COL14A1: variants seen among roughly 807,000 people sequenced by gnomAD.
COL14A1 encodes collagen alpha-1(XIV) chain.
Under a neutral mutation model 230.3 loss-of-function variants are expected in COL14A1, and 136 were observed. The ratio of observed to expected loss-of-function variants is 0.59; its 90% CI spans 0.51 to 0.68. The LOEUF (loss-of-function observed/expected upper bound fraction) is 0.68, where lower values mean the gene tolerates loss of function less well. Among genes scored for constraint, COL14A1 ranks in the 30% least tolerant of loss-of-function variants. The pLI, the probability that COL14A1 is intolerant of heterozygous loss-of-function variation, is 0.00. For missense variants in COL14A1, 1,976 were observed against 2,215.8 expected, an observed-to-expected ratio of 0.89 and a Z score of 2.17; for synonymous variants, 792 against 784.1, an observed-to-expected ratio of 1.01 and a Z score of -0.17.
chr8:120,263,694 T>G (rs1819413800), intron 24 of COL14A1, among the ~76,000 whole-genome samples: 1 of 152,056 alleles, frequency 6.6e-6, no homozygotes, highest in Non-Finnish European at 1.5e-5. Flanking sequence ...AATTTAAACT[T>G]GAAATTCCGG....
At position 120,216,425 on chromosome 8, in the gene COL14A1, A is replaced by C. The variant is rs2130777803; in HGVS notation, c.1672A>C (p.Thr558Pro). 1 of 1,613,870 alleles carries C rather than the reference A, an allele frequency of 6.2e-7. No homozygotes were observed. Among genetic ancestry groups the C allele is most frequent in the East Asian group, 2.2e-5 (1 of 44,864 alleles). The change falls in exon 14 of 48, where the codon ACT becomes CCT. Residue 558 changes from threonine (T) to proline (P), a missense_variant. Thr to Pro is a conservative substitution (Grantham distance 38, BLOSUM62 -1). Transcript: ENST00000297848. ...CAGTGCTCGATTAACCTGGGACCCA[A>C]CTTCAAGACAGATCAATGGTTATCG... ...SNSARLTWDP[T>P]SRQINGYRIV...
intron 5 of COL14A1, among the ~76,000 whole-genome samples, chr8:120,175,182 CAT>C (rs1461837923): frequency 6.6e-6 from 1 of 152,178 alleles, no homozygotes; most frequent in Non-Finnish European, 1.5e-5. Context: ...ATCTACTGTA[CAT>C]GTTTCTTTAA....
At chr8:120,231,663 AC>A (rs1563685990) in intron 19 of COL14A1, 45 bp downstream of exon 19, 1 of 1,587,450 alleles carries the variant, frequency 6.3e-7, no homozygotes, top group South Asian at 1.1e-5. Flanking sequence ...GATGTTACTA[AC>A]ACAGCTAATA....
chr8:120,158,227 T>C lies in COL14A1; in HGVS notation c.186T>C (p.Leu62=). The C allele has an allele frequency of 6.3e-7, 1 of 1,593,692 alleles. No individual in the cohort carries two copies. The highest frequency in any genetic ancestry group is 8.6e-7 in the Non-Finnish European group (1 of 1,162,244). Residue 62 remains leucine (L), a synonymous_variant, in exon 3 of 48, where the codon CTT becomes CTC. Coordinates refer to ENST00000297848, the MANE Select transcript of COL14A1 (RefSeq NM_021110.4). ...GAGGGAAATTTGGTGGTTACAAACT[T>C]CTTGTGACTCCAACTTCAGGTAAAA... ...APRGKFGGYK[L]LVTPTSGGKT...
chr8:120,349,505 G>A (rs1248847667), intron 45 of COL14A1, among the ~76,000 whole-genome samples: 1 of 112,640 alleles, frequency 8.9e-6, no homozygotes, highest in African/African-American at 4.5e-5. Flanking sequence ...TTAGAAAAAT[G>A]TATAACTAGA....
In COL14A1 at chr8:120,227,331, G is replaced by A; in HGVS notation, c.2116G>A (p.Val706Met). 6.2e-7 allele frequency: 1 copy of A among 1,613,842 alleles called. No individual in the cohort carries two copies. ...TGATGATGGAAGCGAGAGTGAGGTG[G>A]TGACTGCTGTCGGGACCACACGTAA... ...VLDDGSESEV[V>M]TAVGTTLDSF... The change falls in exon 17 of 48, where the codon GTG becomes ATG. Residue 706 changes from valine to methionine, a missense_variant. This residue lies in a region of COL14A1 where 1,791 missense variants were observed against 2,019.5 expected (regional missense o/e 0.89). Coordinates refer to ENST00000297848, the MANE Select transcript of COL14A1 (RefSeq NM_021110.4).
chr8:120,315,406 A>T, intron 38 of COL14A1, 127 bp from the exon 39 acceptor site: 1 of 535,122 alleles, frequency 1.9e-6, no homozygotes, highest in Non-Finnish European at 3.3e-6. Context: ...GTATATATAT[A>T]TATTCTGTTT....
intron 5 of COL14A1, among the ~76,000 whole-genome samples, chr8:120,192,408 G>A (rs1482089912): frequency 1.3e-5 from 2 of 152,182 alleles, no homozygotes; most frequent in African/African-American, 4.8e-5. Context: ...TTTCTGCCGA[G>A]AGATCCACTG....
intron 4 of COL14A1, among the ~76,000 whole-genome samples, chr8:120,166,922 G>GTGTGTGTGTGTGTGTGT (rs1217998586): frequency 2.2e-5 from 3 of 134,412 alleles, no homozygotes; most frequent in East Asian, 2.1e-4. Flanking sequence ...GTGTGTGTGT[G>GTGTGTGTGTGTGTGTGT]GTGGTGATGA....
At chr8:120,183,869 T>C (rs746773455) in intron 5 of COL14A1, among the ~76,000 whole-genome samples, 1 of 152,172 alleles carries the variant, frequency 6.6e-6, no homozygotes, top group Non-Finnish European at 1.5e-5. Flanking sequence ...CTTCCCTCCC[T>C]CCCTTCCTTT....
At chr8:120,226,319 G>A (rs1469143484) in intron 15 of COL14A1, among the ~76,000 whole-genome samples, 1 of 151,812 alleles carries the variant, frequency 6.6e-6, no homozygotes, top group Non-Finnish European at 1.5e-5. Flanking sequence ...AAAAAAAAAT[G>A]AATATGGCAC....
At chr8:120,208,718 C>T (rs1817526280) in intron 11 of COL14A1, among the ~76,000 whole-genome samples, 1 of 152,144 alleles carries the variant, frequency 6.6e-6, no homozygotes, top group Non-Finnish European at 1.5e-5. Context: ...CTCCATAGCT[C>T]TCCCGCCCAA....
At chr8:120,285,657 A>T (rs944168764) in intron 32 of COL14A1, among the ~76,000 whole-genome samples, 2 of 152,062 alleles carry the variant, frequency 1.3e-5, no homozygotes, top group Non-Finnish European at 2.9e-5. Context: ...CCTCACTGTC[A>T]TCACCAAGTG....
intron 1 of COL14A1, among the ~76,000 whole-genome samples, chr8:120,145,758 G>A (rs1265505573): frequency 6.6e-6 from 1 of 152,146 alleles, no homozygotes; most frequent in Non-Finnish European, 1.5e-5. Flanking sequence ...ATGTATAAAC[G>A]AAATTTGGAA....
At chr8:120,218,669 A>G (rs1446383195) in intron 14 of COL14A1, among the ~76,000 whole-genome samples, 1 of 152,206 alleles carries the variant, frequency 6.6e-6, no homozygotes, top group Non-Finnish European at 1.5e-5. Flanking sequence ...GAAATTCTCT[A>G]CTGAAAGAAA....
Position 120,285,949 on chromosome 8 carries a change from T to C in COL14A1, c.4056T>C (p.Ile1352=), listed in dbSNP as rs775008349. The C allele has an allele frequency of 1.3e-6, 2 of 1,592,986 alleles. No individual in the cohort carries two copies. The highest frequency in any genetic ancestry group is 1.7e-6 in the Non-Finnish European group (2 of 1,161,092). ...VTFEGPEIRK[I]FYGSFHKLHI... is the part of the protein sequence containing the mutation. ...TCGAAGGACCTGAAATTAGGAAAAT[T>C]TTTTATGGAAGCTTTCACAAGGTTA... The change falls in exon 33 of 48, where the codon ATT becomes ATC. Residue 1352 remains isoleucine (I), a synonymous_variant. Transcript: ENST00000297848.
chr8:120,342,446 A>G lies in COL14A1; in HGVS notation c.4888A>G (p.Ser1630Gly). 6.2e-7 allele frequency: 1 copy of G among 1,613,738 alleles called. No homozygotes were observed. Among genetic ancestry groups the G allele is most frequent in the East Asian group, 2.2e-5 (1 of 44,862 alleles). ...TCAAGTATGCGAACAGCTCATCCAG[A>G]GTAAGTATGTAATGGTTACGGAGGA... ...ARQVCEQLIQ[S>G]HMARYTAILN... is the part of the protein sequence containing the mutation. Residue 1630 changes from serine to glycine, a missense_variant and splice_region_variant, in exon 44 of 48, where the codon AGT becomes GGT. Around this residue, in one of 3 missense-constraint regions of COL14A1, gnomAD observed 1,791 missense variants for 2,019.5 expected, o/e 0.89. Transcript: ENST00000297848.
Position 120,147,817 on chromosome 8 carries a change from A to C in COL14A1, c.-26A>C. On this transcript the variant is annotated 5_prime_UTR_variant, in exon 2 of 48. Transcript: ENST00000297848. The stretch of plus-strand genomic sequence containing the variant: ...CTCTCTGTTTCTAGGTGGCTGCTAC[A>C]CCCCATGTAAAAAGCGGAAAATAAA... 6.3e-7 allele frequency: 1 copy of C among 1,582,888 alleles called. No homozygotes were observed. The highest frequency in any genetic ancestry group is 8.7e-7 in the Non-Finnish European group (1 of 1,154,564).
intron 47 of COL14A1, among the ~76,000 whole-genome samples, chr8:120,369,709 A>G (rs1823523560): frequency 6.6e-6 from 1 of 152,242 alleles, no homozygotes; most frequent in East Asian, 1.9e-4. Flanking sequence ...TCAAAATAAC[A>G]GCACATCTAA....
Sources: allele counts gnomAD v4.1 joint callset (sites outside exome capture counted in the v4.1 genomes callset), GRCh38; gene constraint gnomAD v4.1.1; regional missense constraint gnomAD v4.1.1; transcripts MANE v1.5; gene names NCBI Gene and HGNC (gene_info 2026-07-23, HGNC 2026-07-21).